ARHGAP22: variants seen among roughly 807,000 people sequenced by gnomAD.
The protein encoded by ARHGAP22 is rho GTPase-activating protein 22.
Under a neutral mutation model 59.1 loss-of-function variants are expected in ARHGAP22, and 48 were observed. The ratio of observed to expected loss-of-function variants is 0.81; its 90% CI spans 0.64 to 1.03. ARHGAP22 has a LOEUF of 1.03. ARHGAP22 is among the 50% of genes least tolerant of loss of function. The pLI is 0.00. For missense variants in ARHGAP22, 1,015 were observed against 958.7 expected, an observed-to-expected ratio of 1.06 and a Z score of -0.78; for synonymous variants, 445 against 416.4, an observed-to-expected ratio of 1.07 and a Z score of -0.84.
rs114183272 is a variant in ARHGAP22, at chr10:48,652,158, G to A, written c.52+76C>T. 5.4e-4 allele frequency: 757 copies of A among 1,389,824 alleles called. 6 individuals are homozygous for A. The African/African-American group carries it at 9.3e-3, about 17-fold the overall frequency. 86.1% of individuals were successfully genotyped at this position (1,389,824 alleles called of 1,614,324 possible). A position where few individuals can be genotyped will look rare whatever the true frequency, so the allele number is the denominator to read the frequency against. ...CAGCCACAAGACCAAGACAGCCTCC[G>A]GGGACCCCATCCCTCAAGCAAGAAG... On this transcript the variant is annotated intron_variant, in intron 1 of 9. Transcript: ENST00000435790.
At chr10:48,495,798 C>A (rs571878604) in intron 3 of ARHGAP22, among the ~76,000 whole-genome samples, 3 of 152,256 alleles carry the variant, frequency 2.0e-5, no homozygotes, top group Non-Finnish European at 4.4e-5. Context: ...CATTCCCTCG[C>A]TTGTTCTCTG....
At chr10:48,605,470 G>A (rs545372809), upstream of ARHGAP22, among the ~76,000 whole-genome samples, 1 of 152,012 alleles carries the variant, frequency 6.6e-6, no homozygotes, top group South Asian at 2.1e-4. Context: ...ACAGGAAGAT[G>A]CCTGTTAGGG....
chr10:48,575,622 A>T (rs1480420459), intron 2 of ARHGAP22: 1 of 152,214 alleles, frequency 6.6e-6, no homozygotes, highest in Non-Finnish European at 1.5e-5. Flanking sequence ...TCAATCTTCT[A>T]TGGCTCCTTA....
intron 1 of ARHGAP22, among the ~76,000 whole-genome samples, chr10:48,594,085 T>G (rs1024460537): frequency 6.6e-6 from 1 of 152,264 alleles, no homozygotes; most frequent in Non-Finnish European, 1.5e-5. Context: ...GATCATTATT[T>G]GATACATGCT....
In ARHGAP22 at chr10:48,604,816, C is replaced by G. The variant is rs2060591860; in HGVS notation, c.-20G>C. 1.2e-6 allele frequency: 2 copies of G among 1,614,208 alleles called. No individual in the cohort carries two copies. The highest frequency in any genetic ancestry group is 1.7e-6 in the Non-Finnish European group (2 of 1,180,040). ...CAGCATGTTCTTGCAGCCGTCCGGC[C>G]AGCCCCGCAGGGCCGTTCATGCTGT... On this transcript the variant is annotated 5_prime_UTR_variant, in exon 1 of 10. Transcript: ENST00000249601.
intron 1 of ARHGAP22, among the ~76,000 whole-genome samples, chr10:48,588,639 A>T (rs2059571702): frequency 6.6e-6 from 1 of 152,140 alleles, no homozygotes; most frequent in Non-Finnish European, 1.5e-5. Flanking sequence ...CACCCTTCCC[A>T]AAGGTGGCTC....
chr10:48,451,821 TTA>T (rs1245322153), intron 8 of ARHGAP22, among the ~76,000 whole-genome samples: 3 of 135,010 alleles, frequency 2.2e-5, no homozygotes, highest in Non-Finnish European at 4.6e-5. Flanking sequence ...ACACATAAAA[TTA>T]CACACACAAT....
At chr10:48,555,240 C>T (rs952861266) in intron 3 of ARHGAP22, among the ~76,000 whole-genome samples, 3 of 152,210 alleles carry the variant, frequency 2.0e-5, no homozygotes, top group East Asian at 1.9e-4. Flanking sequence ...TAAAAATCCT[C>T]GTTTCGCATT....
intron 3 of ARHGAP22, among the ~76,000 whole-genome samples, chr10:48,543,507 A>AAGTG (rs2056158213): frequency 1.3e-5 from 2 of 152,220 alleles, no homozygotes; most frequent in African/African-American, 4.8e-5. Context: ...AAAGGAAAAA[A>AAGTG]AGTGCCATTA....
chr10:48,571,946 G>A (rs1211923695), intron 2 of ARHGAP22, among the ~76,000 whole-genome samples: 3 of 152,164 alleles, frequency 2.0e-5, no homozygotes, highest in African/African-American at 7.2e-5. Flanking sequence ...TTAGGGATGA[G>A]ATCTAAAATT....
chr10:48,487,863 A>G (rs904803175), intron 3 of ARHGAP22, among the ~76,000 whole-genome samples: 1 of 152,156 alleles, frequency 6.6e-6, no homozygotes, highest in Non-Finnish European at 1.5e-5. Flanking sequence ...GCCCCAGTTC[A>G]AGACCAGCCT....
intron 3 of ARHGAP22, among the ~76,000 whole-genome samples, chr10:48,550,776 C>T (rs969831346): frequency 6.6e-6 from 1 of 152,248 alleles, no homozygotes; most frequent in Non-Finnish European, 1.5e-5. Context: ...AAAAGCTAAG[C>T]TCACTGGAGA....
At chr10:48,548,199 G>A (rs7081127) in intron 3 of ARHGAP22, among the ~76,000 whole-genome samples, 4 of 152,016 alleles carry the variant, frequency 2.6e-5, no homozygotes, top group South Asian at 2.1e-4. Flanking sequence ...TCCTGGCCCC[G>A]TGACAGCCCA....
chr10:48,533,020 T>C (rs1373252378), intron 3 of ARHGAP22: 1 of 152,144 alleles, frequency 6.6e-6, no homozygotes. Context: ...TCTCAAAATG[T>C]TTTATGCACT....
At position 48,446,348 on chromosome 10, in the gene ARHGAP22, G is replaced by T; in HGVS notation, c.*43C>A. 6.2e-7 allele frequency: 1 copy of T among 1,604,040 alleles called. No individual in the cohort carries two copies. Among genetic ancestry groups the T allele is most frequent in the Non-Finnish European group, 8.5e-7 (1 of 1,172,214 alleles). ...ACGCTTCTAACTCCATACAAGGCTGGAGACCAGCAGACGTGGTACAGAAGT... is the reference window on the plus strand; with the variant it reads ...ACGCTTCTAACTCCATACAAGGCTGTAGACCAGCAGACGTGGTACAGAAGT... On this transcript the variant is annotated 3_prime_UTR_variant, in exon 10 of 10. Transcript: ENST00000249601.
At chr10:48,643,415 A>G (rs1589295943) in intron 1 of ARHGAP22, among the ~76,000 whole-genome samples, 1 of 152,302 alleles carries the variant, frequency 6.6e-6, no homozygotes, top group Middle Eastern at 3.4e-3. Context: ...ATGGAATACT[A>G]TGCAGCCATA....
At chr10:48,438,863 C>T in the ARHGAP22 span, 2 of 152,120 alleles carry the variant, frequency 1.3e-5, no homozygotes, top group Non-Finnish European at 2.9e-5. Context: ...GAAACCTGCT[C>T]GTGATATCGG....
chr10:48,463,084 T>C (rs1197194476), intron 4 of ARHGAP22, among the ~76,000 whole-genome samples: 1 of 152,244 alleles, frequency 6.6e-6, no homozygotes, highest in Non-Finnish European at 1.5e-5. Context: ...CAAATCTGGA[T>C]TCCCAGCTTC....
At chr10:48,512,311 T>C (rs1432881811) in intron 3 of ARHGAP22, among the ~76,000 whole-genome samples, 1 of 152,236 alleles carries the variant, frequency 6.6e-6, no homozygotes, top group African/African-American at 2.4e-5. Context: ...TGGTGCCAGA[T>C]AGCCTATGGG....
Sources: gnomAD v4.1 joint callset for allele counts (sites outside exome capture counted in the v4.1 genomes callset) on GRCh38, gnomAD v4.1.1 for gene constraint, MANE v1.5 for transcripts, NCBI Gene and HGNC (gene_info 2026-07-23, HGNC 2026-07-21) for gene names.